SMURF1: variants seen among roughly 807,000 people sequenced by gnomAD.
The protein encoded by SMURF1 is SMAD specific E3 ubiquitin protein ligase 1.
Under a neutral mutation model 98.0 loss-of-function variants are expected in SMURF1, and 44 were observed. The ratio of observed to expected loss-of-function variants is 0.45; its 90% CI spans 0.35 to 0.58. SMURF1 has a LOEUF of 0.58. Among genes scored for constraint, SMURF1 ranks in the 20% least tolerant of loss-of-function variants. The pLI, the probability that SMURF1 is intolerant of heterozygous loss-of-function variation, is 0.00. For missense variants in SMURF1, 687 were observed against 938.4 expected (o/e 0.73, Z 3.50); for synonymous variants, 396 against 374.9 (o/e 1.06, Z -0.65).
At chr7:99,055,880 C>T (rs779764717) in intron 5 of SMURF1, among the ~76,000 whole-genome samples, 24 of 152,108 alleles carry the variant, frequency 1.6e-4, no homozygotes, top group Non-Finnish European at 3.2e-4. Context: ...GCAGGAGAAT[C>T]GCTTAAACGC....
intron 1 of SMURF1, among the ~76,000 whole-genome samples, chr7:99,090,603 T>G (rs997788065): frequency 1.3e-5 from 2 of 152,184 alleles, no homozygotes; most frequent in Non-Finnish European, 2.9e-5. Context: ...TTCTGAAATA[T>G]TAAATCCCCC....
Position 99,130,448 on chromosome 7 carries a change from C to T in SMURF1, c.55+13278G>A, listed in dbSNP as rs377057811. 7.2e-5 allele frequency among the ~76,000 whole-genome samples: 11 copies of T among 152,144 alleles called. No individual in the cohort carries two copies. The South Asian group carries it at 1.7e-3, about 23-fold the overall frequency. On this transcript the variant is annotated intron_variant, in intron 1 of 17. Coordinates refer to ENST00000361368, the MANE Select transcript of SMURF1 (RefSeq NM_181349.3). ...AGCCTGGGTGACAAAAGTGAAACTC[C>T]GTCTCCAAAAAGAAAAACAAAAAGT...
At chr7:99,032,807 TAC>T in intron 17 of SMURF1, 3 of 676,226 alleles carry the variant, frequency 4.4e-6, no homozygotes, top group Non-Finnish European at 7.9e-6. Flanking sequence ...AGCCGCTCTA[TAC>T]AGTGTCGTAA....
At chr7:99,131,545 A>G (rs1182199655) in intron 1 of SMURF1, among the ~76,000 whole-genome samples, 1 of 152,138 alleles carries the variant, frequency 6.6e-6, no homozygotes, top group Non-Finnish European at 1.5e-5. Context: ...GGAGTTCTGG[A>G]CAAGCCTGGG....
At chr7:99,063,266 T>A (rs1214491414) in intron 1 of SMURF1, among the ~76,000 whole-genome samples, 14 of 10,680 alleles carry the variant, frequency 1.3e-3, no homozygotes, top group Admixed American at 3.6e-3. Context: ...TATATATATA[T>A]ATATATATAT....
intron 1 of SMURF1, among the ~76,000 whole-genome samples, chr7:99,112,021 C>T (rs1043926909): frequency 1.3e-5 from 2 of 151,980 alleles, no homozygotes; most frequent in African/African-American, 4.8e-5. Context: ...TTACCTGGGG[C>T]AAGAGACAAA....
chr7:99,133,414 C>T (rs1350057147), intron 1 of SMURF1, among the ~76,000 whole-genome samples: 1 of 151,892 alleles, frequency 6.6e-6, no homozygotes, highest in Non-Finnish European at 1.5e-5. Flanking sequence ...GTCTCTAAGG[C>T]TGCCATTTAA....
At chr7:99,093,107 G>A (rs1796852406) in intron 1 of SMURF1, among the ~76,000 whole-genome samples, 1 of 152,168 alleles carries the variant, frequency 6.6e-6, no homozygotes, top group Non-Finnish European at 1.5e-5. Context: ...AGGGCGCAGA[G>A]GGAGGAAATG....
At chr7:99,140,996 T>C (rs138872019) in intron 1 of SMURF1, among the ~76,000 whole-genome samples, 78 of 152,356 alleles carry the variant, frequency 5.1e-4, no homozygotes, top group Middle Eastern at 3.4e-3. Context: ...TTCCACGTAC[T>C]GGCATTGCAT....
At chr7:99,135,351 CCTCT>C (rs1157727984) in intron 1 of SMURF1, among the ~76,000 whole-genome samples, 1 of 152,148 alleles carries the variant, frequency 6.6e-6, no homozygotes, top group Non-Finnish European at 1.5e-5. Context: ...CTCCCTCTCT[CCTCT>C]CTCTTTCCTC....
At chr7:99,095,144 A>C (rs975612322) in intron 1 of SMURF1, among the ~76,000 whole-genome samples, 1 of 152,082 alleles carries the variant, frequency 6.6e-6, no homozygotes, top group Admixed American at 6.6e-5. Context: ...CAATGGCGCG[A>C]TCTCGGCTCA....
At chr7:99,044,591 G>T (rs539642728) in intron 11 of SMURF1, among the ~76,000 whole-genome samples, 1 of 152,298 alleles carries the variant, frequency 6.6e-6, no homozygotes, top group South Asian at 2.1e-4. Context: ...AGAGAAAGTT[G>T]TAAGTATGAA....
Position 99,143,932 on chromosome 7 carries a change from G to A in SMURF1, c.-152C>T. Reference sequence around the variant, plus strand: ...CAAACTCCGCGGCCCAGGCGTCCGGGCGGCAGGCGGATGGTCGAGCCGGGA... The same window carrying A: ...CAAACTCCGCGGCCCAGGCGTCCGGACGGCAGGCGGATGGTCGAGCCGGGA... On this transcript the variant is annotated 5_prime_UTR_variant, in exon 1 of 18. Transcript: ENST00000361368. 1.8e-6 allele frequency: 1 copy of A among 548,408 alleles called. No homozygotes were observed. 34.0% of individuals were successfully genotyped at this position (548,408 alleles called of 1,614,324 possible). A position where few individuals can be genotyped will look rare whatever the true frequency, so the allele number is the denominator to read the frequency against.
In SMURF1 at chr7:99,129,873, A is replaced by G. The variant is rs2150638621; in HGVS notation, c.55+13853T>C. ...TTCGAACTTCAGCGAAGCATCTTAC[A>G]AAAACTTTTTTTCTTTTTAAGAATA... On this transcript the variant is annotated intron_variant, in intron 1 of 17. Coordinates refer to ENST00000361368, the MANE Select transcript of SMURF1 (RefSeq NM_181349.3). Among the ~76,000 whole-genome samples the G allele has an allele frequency of 1.3e-5, 2 of 152,324 alleles. 1 individual carries two copies.
chr7:99,072,213 A>C (rs1290582643), intron 1 of SMURF1, among the ~76,000 whole-genome samples: 2 of 152,182 alleles, frequency 1.3e-5, no homozygotes, highest in Non-Finnish European at 2.9e-5. Context: ...TTATAGAGAT[A>C]GGATTTTGCT....
chr7:99,046,129 C>T (rs1178576072), intron 10 of SMURF1, among the ~76,000 whole-genome samples: 1 of 152,068 alleles, frequency 6.6e-6, no homozygotes. Flanking sequence ...TTTCAATGCA[C>T]ACTATAAACA....
At chr7:99,041,233 C>A (rs1294718110) in intron 12 of SMURF1, among the ~76,000 whole-genome samples, 2 of 152,142 alleles carry the variant, frequency 1.3e-5, no homozygotes, top group African/African-American at 4.8e-5. Context: ...AAAACCCCAT[C>A]TCTACTAAAA....
intron 1 of SMURF1, among the ~76,000 whole-genome samples, chr7:99,092,694 G>T (rs1235796654): frequency 6.6e-6 from 1 of 152,188 alleles, no homozygotes; most frequent in East Asian, 1.9e-4. Context: ...CAAAGAAAAT[G>T]CATGGATTAG....
In SMURF1 at chr7:99,033,117, A is replaced by G; in HGVS notation, c.2016T>C (p.Ser672=). The G allele has an allele frequency of 6.4e-7, 1 of 1,574,664 alleles. No individual in the cohort carries two copies. The highest frequency in any genetic ancestry group is 2.3e-5 in the East Asian group (1 of 43,014). The change falls in exon 17 of 18, where the codon TCT becomes TCC. Residue 672 remains serine (S), a synonymous_variant. Coordinates refer to ENST00000361368, the MANE Select transcript of SMURF1 (RefSeq NM_181349.3). ...ACAGCCGGGGCCCTGCCGCGCCTGT[A>G]GAACCTTACAAGACAACATTCTAGT... The part of the protein sequence containing the change: ...PLQGFKALQG[S]TGAAGPRLFT...
Sources: allele counts gnomAD v4.1 joint callset (sites outside exome capture counted in the v4.1 genomes callset), GRCh38; gene constraint gnomAD v4.1.1; transcripts MANE v1.5; gene names NCBI Gene and HGNC (gene_info 2026-07-23, HGNC 2026-07-21).